Variants in BAZ1B observed in about 807,000 individuals in gnomAD.
BAZ1B encodes the protein tyrosine-protein kinase BAZ1B.
Under a neutral mutation model 153.8 loss-of-function variants are expected in BAZ1B, and 22 were observed. The ratio of observed to expected loss-of-function variants is 0.14; its 90% CI spans 0.10 to 0.20. The LOEUF (loss-of-function observed/expected upper bound fraction) is 0.20, where lower values mean the gene tolerates loss of function less well. Among genes scored for constraint, BAZ1B ranks in the 10% least tolerant of loss-of-function variants. The pLI is 1.00. For missense variants in BAZ1B, 1,325 were observed against 1,799.3 expected (o/e 0.74, Z 4.77); for synonymous variants, 676 against 633.4 (o/e 1.07, Z -1.01).
chr7:73,443,648 G>T lies in BAZ1B; in HGVS notation c.3990+336C>A, dbSNP rs563729151. 2.0e-5 allele frequency among the ~76,000 whole-genome samples: 3 copies of T among 152,316 alleles called. No homozygotes were observed. In the East Asian group the frequency reaches 5.8e-4, roughly 29 times the overall value. ...AACTGTCGACTCAACAGTAAGTGAG[G>T]CTCCAGCATTGCTGACATTCCCACA... On this transcript the variant is annotated intron_variant, in intron 17 of 19. Transcript: ENST00000339594.
In BAZ1B at chr7:73,508,429, C is replaced by T; in HGVS notation, c.267G>A (p.Leu89=). The stretch of plus-strand genomic sequence containing the variant: ...AGGCTGTGTTATGGTGAACCATTTC[C>T]AGAACAAGCTTCTCATACCAGGCAG... ...EFPAWYEKLV[L]EMVHHNTASL... The change falls in exon 3 of 20, where the codon CTG becomes CTA. Residue 89 remains leucine, a synonymous_variant. Transcript: ENST00000339594. 1 of 1,613,332 alleles carries T rather than the reference C, an allele frequency of 6.2e-7. No individual in the cohort carries two copies. Among genetic ancestry groups the T allele is most frequent in the South Asian group, 1.1e-5 (1 of 90,922 alleles).
chr7:73,508,512 C>T lies in BAZ1B; in HGVS notation c.225-41G>A, dbSNP rs193267595. 308 of 1,559,704 alleles carry T rather than the reference C, an allele frequency of 2.0e-4. No individual in the cohort carries two copies. The African/African-American group carries it at 3.9e-3, about 20-fold the overall frequency. Reference sequence around the variant, plus strand: ...TAGTTATCAAGAAAACACAGAAACACCTACCCAGAGATTTAATTCAAGTCA... The same window carrying T: ...TAGTTATCAAGAAAACACAGAAACATCTACCCAGAGATTTAATTCAAGTCA... On this transcript the variant is annotated intron_variant, in intron 2 of 19. Transcript: ENST00000339594.
chr7:73,493,223 G>A (rs1158628303), intron 4 of BAZ1B, among the ~76,000 whole-genome samples: 1 of 152,204 alleles, frequency 6.6e-6, no homozygotes, highest in Non-Finnish European at 1.5e-5. Context: ...CACTTTGGGA[G>A]GCTGAGGGAG....
At chr7:73,444,252 T>C (rs1787741323) in intron 16 of BAZ1B, 123 bp from the exon 17 acceptor site, 2 of 1,216,728 alleles carry the variant, frequency 1.6e-6, no homozygotes, top group Admixed American at 5.5e-5. Flanking sequence ...GTGGCCTCCT[T>C]TGGTTTTAAG....
chr7:73,452,500 G>A, intron 13 of BAZ1B, among the ~76,000 whole-genome samples: 1 of 152,088 alleles, frequency 6.6e-6, no homozygotes, highest in East Asian at 1.9e-4. Flanking sequence ...GAGGCGGGCG[G>A]ATCACAAAGT....
chr7:73,474,108 TCA>T (rs1407501388), intron 7 of BAZ1B, among the ~76,000 whole-genome samples: 1 of 152,184 alleles, frequency 6.6e-6, no homozygotes, highest in Non-Finnish European at 1.5e-5. Flanking sequence ...GAAATAGAAT[TCA>T]GAGTCCAGAA....
intron 3 of BAZ1B, among the ~76,000 whole-genome samples, chr7:73,503,070 T>C (rs541729197): frequency 6.6e-6 from 1 of 152,346 alleles, no homozygotes; most frequent in African/African-American, 2.4e-5. Flanking sequence ...TCTATTAATA[T>C]ACTTACACAG....
At chr7:73,459,439 G>A (rs1788318564) in intron 13 of BAZ1B, 97 bp downstream of exon 13, 5 of 1,236,252 alleles carry the variant, frequency 4.0e-6, no homozygotes, top group African/African-American at 3.1e-5. Context: ...TCAGGGCACA[G>A]TGCCTATAGC....
chr7:73,448,197 G>T (rs1397507102), intron 15 of BAZ1B, among the ~76,000 whole-genome samples: 1 of 152,124 alleles, frequency 6.6e-6, no homozygotes, highest in African/African-American at 2.4e-5. Context: ...CTAGCTACTC[G>T]GGAGGCTGAG....
At chr7:73,475,583 G>C (rs543434933) in intron 7 of BAZ1B, among the ~76,000 whole-genome samples, 1 of 152,206 alleles carries the variant, frequency 6.6e-6, no homozygotes, top group South Asian at 2.1e-4. Flanking sequence ...GGAGAAGAGT[G>C]AGTGACTTTT....
In BAZ1B at chr7:73,469,575, T is replaced by C; in HGVS notation, c.2808A>G (p.Arg936=). The C allele has an allele frequency of 6.2e-7, 1 of 1,614,208 alleles. No individual in the cohort carries two copies. Among genetic ancestry groups the C allele is most frequent in the Non-Finnish European group, 8.5e-7 (1 of 1,180,036 alleles). ...KGWVHDSIDY[R]FNHHCKDHTV... The stretch of plus-strand genomic sequence containing the variant: ...TGTGGTCTTTGCAGTGATGGTTGAA[T>C]CGGTAGTCAATGCTGTCATGTACCC... The change falls in exon 9 of 20, where the codon CGA becomes CGG. Residue 936 remains arginine (R), a synonymous_variant. Transcript: ENST00000339594.
intron 11 of BAZ1B, 101 bp from the exon 12 acceptor site, chr7:73,463,200 T>C (rs1788455752): frequency 5.2e-6 from 6 of 1,156,734 alleles, no homozygotes; most frequent in African/African-American, 1.6e-5. Flanking sequence ...AAAACTTACT[T>C]AGATCTCTTT....
chr7:73,441,822 T>C (rs1436184571), intron 19 of BAZ1B, 129 bp from the exon 20 acceptor site: 1 of 269,402 alleles, frequency 3.7e-6, no homozygotes, highest in African/African-American at 2.2e-5. Context: ...TCCTGCTATG[T>C]AACACAGCAA....
chr7:73,514,499 C>CT (rs1790712583), intron 1 of BAZ1B, among the ~76,000 whole-genome samples: 1 of 148,866 alleles, frequency 6.7e-6, no homozygotes, highest in Non-Finnish European at 1.5e-5. Context: ...TGCCATTGCA[C>CT]TGTAGCCTGG....
At chr7:73,489,928 T>A (rs1187822474) in intron 5 of BAZ1B, among the ~76,000 whole-genome samples, 1 of 152,212 alleles carries the variant, frequency 6.6e-6, no homozygotes, top group Admixed American at 6.5e-5. Flanking sequence ...TAAGAATTTA[T>A]CTTAGGAAGT....
At chr7:73,449,064 T>C (rs1554567443) in intron 15 of BAZ1B, among the ~76,000 whole-genome samples, 1 of 152,124 alleles carries the variant, frequency 6.6e-6, no homozygotes, top group Non-Finnish European at 1.5e-5. Context: ...ATCAAACATC[T>C]GGGCATTGGA....
At chr7:73,455,610 G>A (rs535523442) in intron 13 of BAZ1B, among the ~76,000 whole-genome samples, 39 of 151,922 alleles carry the variant, frequency 2.6e-4, no homozygotes, top group Non-Finnish European at 5.1e-4. Flanking sequence ...GCAAGGCCCC[G>A]TCTCTATAAA....
At chr7:73,452,883 G>C (rs544603785) in intron 13 of BAZ1B, among the ~76,000 whole-genome samples, 3 of 152,256 alleles carry the variant, frequency 2.0e-5, no homozygotes, top group Non-Finnish European at 4.4e-5. Flanking sequence ...TCTGTAATCA[G>C]GATGTCCGGA....
intron 1 of BAZ1B, among the ~76,000 whole-genome samples, chr7:73,515,139 A>C (rs1385427125): frequency 1.3e-5 from 2 of 152,232 alleles, no homozygotes; most frequent in Non-Finnish European, 2.9e-5. Context: ...TCTGCCAAGA[A>C]TATACAGTCC....
Sources: allele counts gnomAD v4.1 joint callset (sites outside exome capture counted in the v4.1 genomes callset), GRCh38; gene constraint gnomAD v4.1.1; transcripts MANE v1.5; gene names NCBI Gene and HGNC (gene_info 2026-07-23, HGNC 2026-07-21).